Variants in PPM1E observed in about 807,000 individuals in gnomAD.
PPM1E encodes the protein protein phosphatase 1E.
In PPM1E, 20 loss-of-function variants were observed where a neutral mutation model predicts 65.9. The ratio of observed to expected loss-of-function variants is 0.30; its 90% confidence interval spans 0.21 to 0.44. The LOEUF (loss-of-function observed/expected upper bound fraction) is 0.44, where lower values mean the gene tolerates loss of function less well. PPM1E is among the 20% of genes least tolerant of loss of function. The pLI is 1.00. For synonymous variants in PPM1E, 352 were observed against 374.9 expected, an observed-to-expected ratio of 0.94 and a Z score of 0.70; for missense variants, 713 against 953.1, an observed-to-expected ratio of 0.75 and a Z score of 3.32.
At chr17:58,787,106 G>A (rs2050107910) in intron 1 of PPM1E, among the ~76,000 whole-genome samples, 1 of 152,166 alleles carries the variant, frequency 6.6e-6, no homozygotes, top group South Asian at 2.1e-4. Context: ...ATAGTTGTGT[G>A]CATAATCATA....
At chr17:58,769,838 C>A (rs898955558) in intron 1 of PPM1E, among the ~76,000 whole-genome samples, 1 of 151,822 alleles carries the variant, frequency 6.6e-6, no homozygotes, top group Non-Finnish European at 1.5e-5. Context: ...ACCAGCCTGA[C>A]CAACATGGCA....
chr17:58,883,824 A>G (rs1055502511), intron 1 of PPM1E, among the ~76,000 whole-genome samples: 1 of 152,144 alleles, frequency 6.6e-6, no homozygotes. Context: ...AATAAAAGCC[A>G]ATTGGGAAGC....
At chr17:58,875,331 G>A (rs1467256919) in intron 1 of PPM1E, among the ~76,000 whole-genome samples, 5 of 152,184 alleles carry the variant, frequency 3.3e-5, no homozygotes, top group South Asian at 2.1e-4. Flanking sequence ...AGCACAGATT[G>A]ACACTTTGAG....
At position 58,981,190 on chromosome 17, in the gene PPM1E, G is replaced by A; in HGVS notation, c.*159G>A. The A allele has an allele frequency of 3.3e-6, 2 of 599,438 alleles. No individual in the cohort carries two copies. The highest frequency in any genetic ancestry group is 2.5e-5 in the South Asian group (1 of 40,200). 37.1% of individuals were successfully genotyped at this position (599,438 alleles called of 1,614,324 possible). On this transcript the variant is annotated 3_prime_UTR_variant, in exon 7 of 7. Transcript: ENST00000308249. ...AGATCTCTAGGAAACTCAAAGTACA[G>A]TGTTTTCAATCTAAAAAGAAGTATT...
At chr17:58,831,366 A>G (rs2050604059) in intron 1 of PPM1E, among the ~76,000 whole-genome samples, 1 of 152,186 alleles carries the variant, frequency 6.6e-6, no homozygotes, top group South Asian at 2.1e-4. Flanking sequence ...GGAACTGAGT[A>G]AGGGAATACA....
intron 1 of PPM1E, among the ~76,000 whole-genome samples, chr17:58,864,997 T>G (rs146806576): frequency 6.0e-4 from 92 of 152,292 alleles, no homozygotes; most frequent in Middle Eastern, 3.4e-3. Flanking sequence ...AGATTCATCC[T>G]TCAAGTAAGA....
chr17:58,950,705 G>T (rs1164414379), intron 1 of PPM1E, among the ~76,000 whole-genome samples: 1 of 149,440 alleles, frequency 6.7e-6, no homozygotes, highest in Admixed American at 6.7e-5. Context: ...GGTCTAGTCT[G>T]CTGTTGAAGC....
chr17:58,904,138 T>C (rs1252473927), intron 1 of PPM1E, among the ~76,000 whole-genome samples: 2 of 152,146 alleles, frequency 1.3e-5, no homozygotes, highest in East Asian at 3.8e-4. Context: ...TTTATAATTA[T>C]GACATAATAA....
At chr17:58,846,000 A>G (rs1286496434) in intron 1 of PPM1E, among the ~76,000 whole-genome samples, 2 of 152,176 alleles carry the variant, frequency 1.3e-5, no homozygotes, top group Non-Finnish European at 2.9e-5. Context: ...TTCCTTTTTA[A>G]GGCTGAATAA....
intron 1 of PPM1E, among the ~76,000 whole-genome samples, chr17:58,930,086 A>G (rs1298059729): frequency 6.6e-6 from 1 of 152,024 alleles, no homozygotes; most frequent in Non-Finnish European, 1.5e-5. Flanking sequence ...TACTTGTTCT[A>G]TCACAATTTA....
At chr17:58,867,098 A>G (rs1394800225) in intron 1 of PPM1E, among the ~76,000 whole-genome samples, 1 of 152,174 alleles carries the variant, frequency 6.6e-6, no homozygotes, top group Non-Finnish European at 1.5e-5. Context: ...CTCCTGCCTC[A>G]GCCCCCTGAG....
intron 1 of PPM1E, among the ~76,000 whole-genome samples, chr17:58,904,589 A>G (rs879575734): frequency 6.6e-6 from 1 of 152,164 alleles, no homozygotes; most frequent in Non-Finnish European, 1.5e-5. Flanking sequence ...TTATAGATCA[A>G]ATGGGAATAA....
At chr17:58,944,743 A>C (rs1268433779) in intron 1 of PPM1E, among the ~76,000 whole-genome samples, 1 of 152,174 alleles carries the variant, frequency 6.6e-6, no homozygotes, top group Non-Finnish European at 1.5e-5. Context: ...CAAGTGATGG[A>C]CACTTGGTTG....
chr17:58,851,256 G>T (rs776372597), intron 1 of PPM1E, among the ~76,000 whole-genome samples: 2 of 152,098 alleles, frequency 1.3e-5, no homozygotes, highest in Non-Finnish European at 2.9e-5. Flanking sequence ...TGTTATTACC[G>T]ATCGTCTGAA....
chr17:58,944,399 A>ATT (rs773345046), intron 1 of PPM1E, among the ~76,000 whole-genome samples: 63 of 152,264 alleles, frequency 4.1e-4, no homozygotes, highest in Non-Finnish European at 6.3e-4. Flanking sequence ...ATTTTAATAC[A>ATT]GTCACAGTTG....
At chr17:58,971,325 C>T (rs2030604120) in intron 4 of PPM1E, among the ~76,000 whole-genome samples, 1 of 152,078 alleles carries the variant, frequency 6.6e-6, no homozygotes, top group African/African-American at 2.4e-5. Flanking sequence ...TCATTGGATA[C>T]AAGAGACCTT....
chr17:58,967,770 G>C (rs1173215599), intron 3 of PPM1E, among the ~76,000 whole-genome samples: 1 of 150,678 alleles, frequency 6.6e-6, no homozygotes, highest in East Asian at 1.9e-4. Context: ...CTTTAGTAGG[G>C]ATAGAAATTC....
At chr17:58,930,298 C>G (rs964618655) in intron 1 of PPM1E, among the ~76,000 whole-genome samples, 1 of 151,112 alleles carries the variant, frequency 6.6e-6, no homozygotes, top group Non-Finnish European at 1.5e-5. Context: ...CACACACACA[C>G]ATATACATAC....
At chr17:58,808,615 A>G (rs1449876941) in intron 1 of PPM1E, among the ~76,000 whole-genome samples, 1 of 152,150 alleles carries the variant, frequency 6.6e-6, no homozygotes, top group African/African-American at 2.4e-5. Context: ...AAAATTAAAC[A>G]TCAACTAAAA....
Sources: gnomAD v4.1 joint callset for allele counts (sites outside exome capture counted in the v4.1 genomes callset) on GRCh38, gnomAD v4.1.1 for gene constraint, MANE v1.5 for transcripts, NCBI Gene and HGNC (gene_info 2026-07-23, HGNC 2026-07-21) for gene names.